Variants in ASH1L observed in about 807,000 individuals in gnomAD.
ASH1L encodes histone-lysine N-methyltransferase ASH1L.
In ASH1L, 23 loss-of-function variants were observed where a neutral mutation model predicts 269.0. The ratio of observed to expected loss-of-function variants is 0.09; its 90% CI spans 0.06 to 0.12. ASH1L has a LOEUF of 0.12. Ranked by LOEUF, ASH1L falls within the 10% of genes least tolerant of loss-of-function variation. The probability of loss-of-function intolerance (pLI) is 1.00; values close to 1 mark genes in which losing one functional copy is unlikely to be tolerated. For synonymous variants in ASH1L, 1,187 were observed against 1,253.5 expected (o/e 0.95, Z 1.12); for missense variants, 2,912 against 3,567.8 (o/e 0.82, Z 4.68).
At chr1:155,373,005 G>C (rs553558944) in intron 10 of ASH1L, among the ~76,000 whole-genome samples, 47 of 151,988 alleles carry the variant, frequency 3.1e-4, no homozygotes, top group Non-Finnish European at 1.8e-4. Flanking sequence ...GTGAGGTCAG[G>C]AGTTCAAGAC....
chr1:155,488,502 CAAAAAAAAAA>C (rs368511587), intron 2 of ASH1L, among the ~76,000 whole-genome samples: 4 of 41,306 alleles, frequency 9.7e-5, no homozygotes, highest in East Asian at 1.3e-3. Flanking sequence ...ACTAAAAATA[CAAAAAAAAAA>C]AAAAAAAAAA....
chr1:155,521,037 T>C lies in ASH1L; in HGVS notation c.420+63A>G. 4 of 1,464,270 alleles carry C rather than the reference T, an allele frequency of 2.7e-6. No individual in the cohort carries two copies. In the East Asian group the frequency reaches 9.1e-5, roughly 33 times the overall value. The allele number at this position is 1,464,270 out of a possible 1,614,324, so 90.7% of individuals were successfully genotyped here. A position where few individuals can be genotyped will look rare whatever the true frequency, so the allele number is the denominator to read the frequency against. On this transcript the variant is annotated intron_variant, in intron 2 of 27. Transcript: ENST00000392403. ...AACTCCCGGAAATACATATATAGGA[T>C]AAAAATTAATAGGGAAATGAAAATA...
At position 155,343,538 on chromosome 1, in the gene ASH1L, C is replaced by G. The variant is rs1388634656; in HGVS notation, c.8121-52G>C. 6.2e-7 allele frequency: 1 copy of G among 1,611,878 alleles called. No individual in the cohort carries two copies. Among genetic ancestry groups the G allele is most frequent in the East Asian group, 2.2e-5 (1 of 44,870 alleles). The stretch of plus-strand genomic sequence containing the variant: ...AGAGGTTTAGCTGATTAGCAAGATC[C>G]TAGTGAACATTCAGCTCCACTGGTA... On this transcript the variant is annotated intron_variant, in intron 23 of 27. Coordinates refer to ENST00000392403, the MANE Select transcript of ASH1L (RefSeq NM_018489.3). The surrounding 1 kb of genome is among the most constrained non-coding windows in gnomAD (Gnocchi z 6.1).
At chr1:155,399,829 A>G (rs1658681691) in intron 6 of ASH1L, among the ~76,000 whole-genome samples, 1 of 152,220 alleles carries the variant, frequency 6.6e-6, no homozygotes, top group Non-Finnish European at 1.5e-5. Context: ...AGTTCATACT[A>G]CACAGAGCAG....
intron 1 of ASH1L, among the ~76,000 whole-genome samples, chr1:155,536,976 C>T (rs771043997): frequency 1.3e-5 from 2 of 149,046 alleles, no homozygotes; most frequent in Non-Finnish European, 1.5e-5. Flanking sequence ...ACCCTGGAGG[C>T]GAGGCTTGCA....
intron 3 of ASH1L, among the ~76,000 whole-genome samples, chr1:155,461,174 T>G: frequency 6.6e-6 from 1 of 152,340 alleles, no homozygotes; most frequent in South Asian, 2.1e-4. Context: ...AAAGAAGATG[T>G]GATTAATTCT....
intron 2 of ASH1L, among the ~76,000 whole-genome samples, chr1:155,519,385 G>A (rs887561438): frequency 6.6e-6 from 1 of 151,986 alleles, no homozygotes; most frequent in African/African-American, 2.4e-5. Context: ...GCAGTGAGCC[G>A]AGATCGCGCC....
intron 5 of ASH1L, chr1:155,434,277 T>C: frequency 1.3e-6 from 2 of 1,595,094 alleles, no homozygotes; most frequent in Admixed American, 1.8e-5. Context: ...CCTGCCCTTC[T>C]AGGAATGGGG....
At chr1:155,488,509 A>T (rs922838530) in intron 2 of ASH1L, among the ~76,000 whole-genome samples, 58 of 147,182 alleles carry the variant, frequency 3.9e-4, no homozygotes, top group African/African-American at 1.4e-3. Context: ...ATACAAAAAA[A>T]AAAAAAAAAA....
chr1:155,498,319 G>T (rs1280131854), intron 2 of ASH1L, among the ~76,000 whole-genome samples: 1 of 151,968 alleles, frequency 6.6e-6, no homozygotes, highest in African/African-American at 2.4e-5. Context: ...GATGGTGAGG[G>T]CTGCAAAACA....
At chr1:155,345,447 T>C (rs1380368044) in intron 21 of ASH1L, among the ~76,000 whole-genome samples, 1 of 151,404 alleles carries the variant, frequency 6.6e-6, no homozygotes. Flanking sequence ...CCTCTCAAAA[T>C]GCTGGGATTG....
chr1:155,458,813 C>A (rs952421075), intron 4 of ASH1L, among the ~76,000 whole-genome samples: 1 of 152,142 alleles, frequency 6.6e-6, no homozygotes, highest in African/African-American at 2.4e-5. Context: ...ACTCTAAATT[C>A]TCTTTAATAT....
At chr1:155,541,346 T>G (rs535572211) in intron 1 of ASH1L, among the ~76,000 whole-genome samples, 1 of 152,094 alleles carries the variant, frequency 6.6e-6, no homozygotes, top group African/African-American at 2.4e-5. Flanking sequence ...TTATATAAAT[T>G]TTTCAGTTTC....
chr1:155,433,653 T>A (rs12124051), intron 5 of ASH1L: 844 of 1,605,070 alleles, frequency 5.3e-4, no homozygotes, highest in Non-Finnish European at 6.6e-4. Flanking sequence ...CAGAAGAGGA[T>A]CACCCTGGGA....
At position 155,562,614 on chromosome 1, in the gene ASH1L, G is replaced by A. The variant is rs1310161740; in HGVS notation, c.-561C>T. On this transcript the variant is annotated 5_prime_UTR_variant, in exon 1 of 28. Transcript: ENST00000392403. ...CGCGCACGCCCGCCCGCACGCGTAC[G>A]AGTGTCTACGGGCTCGTCGCTGGCT... The A allele has an allele frequency of 5.2e-6, 8 of 1,527,620 alleles. No individual in the cohort carries two copies. The highest frequency in any genetic ancestry group is 6.1e-6 in the Non-Finnish European group (7 of 1,141,450). 94.6% of individuals were successfully genotyped at this position (1,527,620 alleles called of 1,614,324 possible).
At chr1:155,550,479 T>G (rs1351048360) in intron 1 of ASH1L, among the ~76,000 whole-genome samples, 1 of 152,192 alleles carries the variant, frequency 6.6e-6, no homozygotes, top group Non-Finnish European at 1.5e-5. Flanking sequence ...GGCTACCTCT[T>G]CTATCTCCTA....
intron 10 of ASH1L, among the ~76,000 whole-genome samples, chr1:155,377,377 C>T (rs1656547386): frequency 1.3e-5 from 2 of 152,164 alleles, no homozygotes; most frequent in South Asian, 2.1e-4. Context: ...CTGTCCTATT[C>T]TGCTTCCTCA....
At chr1:155,515,332 T>G (rs1174375712) in intron 2 of ASH1L, among the ~76,000 whole-genome samples, 1 of 152,116 alleles carries the variant, frequency 6.6e-6, no homozygotes, top group African/African-American at 2.4e-5. Flanking sequence ...TTCAAGCATC[T>G]CAACAATTTT....
chr1:155,457,450 T>C (rs1663941133), intron 4 of ASH1L, among the ~76,000 whole-genome samples: 1 of 152,220 alleles, frequency 6.6e-6, no homozygotes, highest in Non-Finnish European at 1.5e-5. Context: ...TTTGTGCCTT[T>C]CTTCGAAAGT....
Sources: gnomAD v4.1 joint callset for allele counts (sites outside exome capture counted in the v4.1 genomes callset) on GRCh38, gnomAD v4.1.1 for gene constraint, Gnocchi (gnomAD v3.1) non-coding constraint, MANE v1.5 for transcripts, NCBI Gene and HGNC (gene_info 2026-07-23, HGNC 2026-07-21) for gene names.